OLAH: variants seen among roughly 807,000 people sequenced by gnomAD.
The protein encoded by OLAH is oleoyl-ACP hydrolase.
OLAH carries 33 observed loss-of-function variants against 27.8 expected under a neutral mutation model. That is an observed-to-expected ratio of 1.19 (90% CI 0.90 to 1.59). The LOEUF is 1.59. Among genes scored for constraint, OLAH ranks in the 40% most tolerant of loss-of-function variants. The pLI, the probability that OLAH is intolerant of heterozygous loss-of-function variation, is 0.00. For synonymous variants in OLAH, 120 were observed against 102.9 expected, an observed-to-expected ratio of 1.17 and a Z score of -1.01; for missense variants, 359 against 310.8, an observed-to-expected ratio of 1.16 and a Z score of -1.17.
intron 1 of OLAH, among the ~76,000 whole-genome samples, chr10:15,036,128 TATTGTCTTTAC>T (rs2131325386): frequency 6.6e-6 from 1 of 152,304 alleles, no homozygotes; most frequent in South Asian, 2.1e-4. Flanking sequence ...TAAGTCACAT[TATTGTCTTTAC>T]ATTTAACTGT....
intron 1 of OLAH, among the ~76,000 whole-genome samples, chr10:15,046,174 T>C (rs1346478269): frequency 6.6e-6 from 1 of 151,836 alleles, no homozygotes; most frequent in Non-Finnish European, 1.5e-5. Flanking sequence ...GGCGAAACCC[T>C]GTCTTTACTA....
At chr10:15,038,947 G>T (rs187644423), upstream of OLAH, among the ~76,000 whole-genome samples, 6 of 152,288 alleles carry the variant, frequency 3.9e-5, no homozygotes, top group African/African-American at 1.4e-4. Context: ...CTCAGGCTGG[G>T]TGCAGTGGTT....
At chr10:15,070,351 T>G (rs1844559288) in intron 6 of OLAH, among the ~76,000 whole-genome samples, 1 of 152,194 alleles carries the variant, frequency 6.6e-6, no homozygotes, top group Non-Finnish European at 1.5e-5. Context: ...GTACCTTGTT[T>G]GATCTTTTTG....
intron 4 of OLAH, 140 bp downstream of exon 4, chr10:15,062,002 C>A: frequency 2.6e-6 from 2 of 763,018 alleles, no homozygotes; most frequent in Non-Finnish European, 2.0e-6. Context: ...GCCATCACAA[C>A]TTTTACAATT....
chr10:15,039,688 G>C (rs12770406), upstream of OLAH, among the ~76,000 whole-genome samples: 14,589 of 152,212 alleles, frequency 0.096, 781 homozygotes, highest in Middle Eastern at 0.19. Context: ...GCTGCTGCTG[G>C]AAAGAGGCCT....
At chr10:15,068,481 CTCCTGGGT>C (rs1373789281) in intron 6 of OLAH, among the ~76,000 whole-genome samples, 1 of 152,178 alleles carries the variant, frequency 6.6e-6, no homozygotes, top group African/African-American at 2.4e-5. Flanking sequence ...CAACCTCCGT[CTCCTGGGT>C]TCAAGCAATT....
At chr10:15,044,307 C>A (rs3763787) in intron 1 of OLAH, among the ~76,000 whole-genome samples, 49,733 of 151,898 alleles carry the variant, frequency 0.33, 8,247 homozygotes, top group East Asian at 0.44. Context: ...CTTCTAAGGG[C>A]TAGCCTGAGA....
At chr10:15,037,454 G>A (rs1376130133) in intron 1 of OLAH, among the ~76,000 whole-genome samples, 3 of 151,884 alleles carry the variant, frequency 2.0e-5, no homozygotes, top group Non-Finnish European at 4.4e-5. Flanking sequence ...GGTGGCGAGC[G>A]CCTGTAATCC....
chr10:15,054,826 G>T (rs530482956), intron 3 of OLAH, among the ~76,000 whole-genome samples: 25 of 152,170 alleles, frequency 1.6e-4, no homozygotes, highest in African/African-American at 5.8e-4. Context: ...AGCTCTTTGT[G>T]CAATTTTTTT....
intron 7 of OLAH, among the ~76,000 whole-genome samples, chr10:15,072,349 G>C (rs1438140696): frequency 6.6e-6 from 1 of 152,102 alleles, no homozygotes; most frequent in Non-Finnish European, 1.5e-5. Context: ...AAAATTAGTT[G>C]AAGTTGTATT....
At chr10:15,058,231 A>C (rs571117042) in intron 3 of OLAH, among the ~76,000 whole-genome samples, 1 of 152,114 alleles carries the variant, frequency 6.6e-6, no homozygotes, top group South Asian at 2.1e-4. Context: ...GGACTATAGG[A>C]ATGTGCCACC....
At position 15,073,269 on chromosome 10, in the gene OLAH, C is replaced by A; in HGVS notation, c.*40C>A. The A allele has an allele frequency of 1.5e-6, 2 of 1,323,884 alleles. No homozygotes were observed. The highest frequency in any genetic ancestry group is 1.3e-5 in the South Asian group (1 of 79,522). 82.0% of individuals were successfully genotyped at this position (1,323,884 alleles called of 1,614,324 possible). On this transcript the variant is annotated 3_prime_UTR_variant, in exon 8 of 8. Transcript: ENST00000378228. ...ACTTTTAAAATAATCAAAGTAATAT[C>A]ATACTCTTCTCAGTTATTCAGATAT...
At chr10:15,052,034 G>T (rs1844153618) in intron 3 of OLAH, among the ~76,000 whole-genome samples, 1 of 152,174 alleles carries the variant, frequency 6.6e-6, no homozygotes, top group African/African-American at 2.4e-5. Context: ...TGTAATCCTG[G>T]CACTTTGGGA....
intron 3 of OLAH, among the ~76,000 whole-genome samples, chr10:15,058,386 C>T (rs779021318): frequency 3.9e-5 from 6 of 152,182 alleles, no homozygotes; most frequent in Non-Finnish European, 8.8e-5. Context: ...AGCCACTGCA[C>T]TTAGCCTTCC....
chr10:15,070,725 C>T (rs968928900), intron 6 of OLAH, among the ~76,000 whole-genome samples: 1 of 151,926 alleles, frequency 6.6e-6, no homozygotes, highest in African/African-American at 2.4e-5. Flanking sequence ...AGGTGATCCA[C>T]CCACCTCGGC....
At chr10:15,046,988 T>G (rs1589239334) in intron 1 of OLAH, 138 bp from the exon 2 acceptor site, 4 of 260,560 alleles carry the variant, frequency 1.5e-5, no homozygotes, top group East Asian at 6.9e-5. Context: ...GGGATGGGGG[T>G]GGTGACTCCT....
chr10:15,056,621 T>C (rs187223013), intron 3 of OLAH, among the ~76,000 whole-genome samples: 10 of 151,904 alleles, frequency 6.6e-5, no homozygotes, highest in African/African-American at 2.2e-4. Context: ...TTCCTTCCTT[T>C]CCTTCCTTCC....
At chr10:15,057,463 G>T (rs2131360415) in intron 3 of OLAH, among the ~76,000 whole-genome samples, 1 of 140,578 alleles carries the variant, frequency 7.1e-6, no homozygotes, top group East Asian at 2.2e-4. Flanking sequence ...TCAGCTCACT[G>T]CAGCTTCTGC....
rs1422769846 is a variant in OLAH, at chr10:15,064,507, G to T, written c.402+5G>T. On this transcript the variant is annotated splice_donor_5th_base_variant and intron_variant, in intron 5 of 7. Coordinates refer to ENST00000378228, the MANE Select transcript of OLAH (RefSeq NM_001039702.3). ...TCAAGTGCAACTCCTGTACATGTAA[G>T]TAATTTAGCTTTTTCCTAGGAAGGG... 1 of 1,542,940 alleles carries T rather than the reference G, an allele frequency of 6.5e-7. No individual in the cohort carries two copies. Among genetic ancestry groups the T allele is most frequent in the Non-Finnish European group, 8.8e-7 (1 of 1,141,330 alleles).
Sources: gnomAD v4.1 joint callset for allele counts (sites outside exome capture counted in the v4.1 genomes callset) on GRCh38, gnomAD v4.1.1 for gene constraint, MANE v1.5 for transcripts, NCBI Gene and HGNC (gene_info 2026-07-23, HGNC 2026-07-21) for gene names.